The following RALYL variants were observed in gnomAD, a reference collection of about 807,000 sequenced individuals.
The protein encoded by RALYL is RALY RNA binding protein like, also known as RNA-binding Raly-like protein.
RALYL carries 29 observed loss-of-function variants against 35.1 expected under a neutral mutation model. That is an observed-to-expected ratio of 0.83 (90% confidence interval 0.61 to 1.13). The LOEUF is 1.13. RALYL is among the 50% of genes most tolerant of loss of function. The pLI is 0.00. For missense variants in RALYL, 359 were observed against 360.4 expected (o/e 1.00, Z 0.03); for synonymous variants, 120 against 127.6 (o/e 0.94, Z 0.40).
chr8:84,271,586 A>G (rs146627251), intron 1 of RALYL, among the ~76,000 whole-genome samples: 2,878 of 151,890 alleles, frequency 0.019, 42 homozygotes, highest in South Asian at 0.031. Flanking sequence ...AATTGAATAA[A>G]CCTAAATGAC....
intron 2 of RALYL, among the ~76,000 whole-genome samples, chr8:84,690,085 T>C (rs1195392218): frequency 6.6e-6 from 1 of 152,106 alleles, no homozygotes; most frequent in East Asian, 1.9e-4. Context: ...CCTCTGTTCA[T>C]TGCAGCATTA....
At chr8:84,682,489 A>C (rs549600066) in intron 2 of RALYL, among the ~76,000 whole-genome samples, 11 of 152,104 alleles carry the variant, frequency 7.2e-5, no homozygotes, top group Non-Finnish European at 1.3e-4. Context: ...TTTGGTTGGT[A>C]GGCTATTAAT....
At chr8:84,668,424 AT>A (rs1163245349) in intron 2 of RALYL, among the ~76,000 whole-genome samples, 2 of 152,148 alleles carry the variant, frequency 1.3e-5, no homozygotes, top group Non-Finnish European at 2.9e-5. Flanking sequence ...GAGTTGGGGC[AT>A]TATTTAAAAC....
chr8:84,391,649 G>A (rs1357671647), intron 1 of RALYL, among the ~76,000 whole-genome samples: 1 of 151,986 alleles, frequency 6.6e-6, no homozygotes, highest in Non-Finnish European at 1.5e-5. Flanking sequence ...ATTGGGTTTT[G>A]ATATTGTAGG....
intron 1 of RALYL, among the ~76,000 whole-genome samples, chr8:84,194,542 A>G (rs1275831490): frequency 2.0e-5 from 3 of 152,202 alleles, no homozygotes; most frequent in East Asian, 1.9e-4. Flanking sequence ...AACCAAGGAA[A>G]TGAATATAGG....
intron 2 of RALYL, among the ~76,000 whole-genome samples, chr8:84,593,463 T>C (rs979244196): frequency 6.6e-6 from 1 of 152,116 alleles, no homozygotes; most frequent in Admixed American, 6.6e-5. Context: ...AGATCTCTAG[T>C]GGCTTATCAA....
At chr8:84,460,148 T>C (rs1262959941) in intron 1 of RALYL, among the ~76,000 whole-genome samples, 2 of 151,644 alleles carry the variant, frequency 1.3e-5, no homozygotes, top group African/African-American at 4.8e-5. Context: ...AAGGATAAAA[T>C]GGTATTTTGA....
intron 1 of RALYL, among the ~76,000 whole-genome samples, chr8:84,252,542 A>G (rs1240778569): frequency 2.6e-5 from 4 of 152,170 alleles, no homozygotes; most frequent in Non-Finnish European, 5.9e-5. Flanking sequence ...TTCATATTCA[A>G]CTATGTATTT....
chr8:84,337,415 A>G (rs1190431727), intron 1 of RALYL, among the ~76,000 whole-genome samples: 1 of 151,998 alleles, frequency 6.6e-6, no homozygotes, highest in African/African-American at 2.4e-5. Flanking sequence ...AGGAACACTT[A>G]ATTCAGAATT....
Position 84,311,090 on chromosome 8 carries a change from A to AAAAAAAAAAAT in RALYL, c.-24+126667_-24+126668insAAAAAAAAATA, listed in dbSNP as rs1554614840. ...AAAAAAAAAAAAAAAAAAAAAAAAA[A>AAAAAAAAAAAT]ATGTATATTAATGTATAGTATAAAT... On this transcript the variant is annotated intron_variant, in intron 1 of 8. Transcript: ENST00000521268. Among the ~76,000 whole-genome samples, 196 of 99,754 alleles carry AAAAAAAAAAAT rather than the reference A, an allele frequency of 2.0e-3. 20 individuals are homozygous for AAAAAAAAAAAT. Among genetic ancestry groups the AAAAAAAAAAAT allele is most frequent in the African/African-American group, 2.4e-3 (67 of 27,996 alleles). 65.4% of individuals were successfully genotyped at this position (99,754 alleles called of 152,430 possible).
intron 2 of RALYL, among the ~76,000 whole-genome samples, chr8:84,743,354 C>T (rs1420872408): frequency 6.6e-6 from 1 of 151,638 alleles, no homozygotes; most frequent in African/African-American, 2.4e-5. Flanking sequence ...CATGGGATCA[C>T]AGTGATTATC....
At chr8:84,400,320 G>A (rs1464750245) in intron 1 of RALYL, among the ~76,000 whole-genome samples, 1 of 152,128 alleles carries the variant, frequency 6.6e-6, no homozygotes, top group African/African-American at 2.4e-5. Flanking sequence ...GTCACTTGAG[G>A]TCAGGTGTGG....
At chr8:84,494,060 C>T (rs1174115452) in intron 1 of RALYL, among the ~76,000 whole-genome samples, 1 of 151,908 alleles carries the variant, frequency 6.6e-6, no homozygotes, top group Non-Finnish European at 1.5e-5. Context: ...GTCTTTAATC[C>T]ATCTTGAGTT....
At chr8:84,448,252 T>A (rs1587361152) in intron 1 of RALYL, among the ~76,000 whole-genome samples, 1 of 152,008 alleles carries the variant, frequency 6.6e-6, no homozygotes, top group Middle Eastern at 3.4e-3. Flanking sequence ...GTATGGCTTG[T>A]GTTTGTGTGG....
chr8:84,220,330 A>G (rs1563554861), intron 1 of RALYL, among the ~76,000 whole-genome samples: 1 of 152,020 alleles, frequency 6.6e-6, no homozygotes, highest in Non-Finnish European at 1.5e-5. Flanking sequence ...ATTTTGCTTG[A>G]CATAACATGC....
chr8:84,581,729 G>T (rs973178497), intron 2 of RALYL, among the ~76,000 whole-genome samples: 1 of 151,328 alleles, frequency 6.6e-6, no homozygotes, highest in African/African-American at 2.4e-5. Context: ...GATATTAATA[G>T]TATATCCTAT....
At chr8:84,581,107 G>A (rs969576360) in intron 2 of RALYL, among the ~76,000 whole-genome samples, 2 of 152,190 alleles carry the variant, frequency 1.3e-5, no homozygotes, top group African/African-American at 4.8e-5. Context: ...AGGACTCCAA[G>A]TGCAAGTGTT....
intron 1 of RALYL, among the ~76,000 whole-genome samples, chr8:84,464,142 GT>G (rs71271994): frequency 0.042 from 5,941 of 142,938 alleles, 240 homozygotes; most frequent in African/African-American, 0.1. Flanking sequence ...TTTTTTTTTT[GT>G]TTTTTTTTTT....
At chr8:84,468,798 G>T (rs941496997) in intron 1 of RALYL, among the ~76,000 whole-genome samples, 13 of 151,886 alleles carry the variant, frequency 8.6e-5, no homozygotes, top group Non-Finnish European at 1.9e-4. Context: ...ACGTAGATTT[G>T]GTCTTTTCAC....
Sources: allele counts gnomAD v4.1 joint callset (sites outside exome capture counted in the v4.1 genomes callset), GRCh38; gene constraint gnomAD v4.1.1; transcripts MANE v1.5; gene names NCBI Gene and HGNC (gene_info 2026-07-23, HGNC 2026-07-21).